SLC15A5: variants seen among roughly 807,000 people sequenced by gnomAD.
SLC15A5 encodes solute carrier family 15 member 5, also known as Peptide/histidine transporter ENSP00000340402.
A neutral mutation model predicts 56.1 loss-of-function variants in SLC15A5; 58 were observed. That is an observed-to-expected ratio of 1.03 (90% CI 0.84 to 1.29). The LOEUF is 1.29. SLC15A5 is among the 50% of genes most tolerant of loss of function. The pLI is 0.00. For missense variants in SLC15A5, 681 were observed against 672.1 expected, an observed-to-expected ratio of 1.01 and a Z score of -0.15; for synonymous variants, 264 against 250.5, an observed-to-expected ratio of 1.05 and a Z score of -0.51.
intron 2 of SLC15A5, among the ~76,000 whole-genome samples, chr12:16,258,457 G>A (rs1413086688): frequency 1.3e-5 from 2 of 151,714 alleles, no homozygotes; most frequent in Admixed American, 1.3e-4. Flanking sequence ...AGTCTGGTTT[G>A]CAAGTTCTGG....
chr12:16,245,856 T>A (rs1864455957), intron 3 of SLC15A5, among the ~76,000 whole-genome samples: 2 of 152,234 alleles, frequency 1.3e-5, no homozygotes, highest in Admixed American at 1.3e-4. Context: ...AATTCATTTA[T>A]ATGCCATAGA....
Position 16,277,598 on chromosome 12 carries a change from C to T in SLC15A5, c.88G>A (p.Asp30Asn), listed in dbSNP as rs770661729. The T allele has an allele frequency of 4.6e-6, 7 of 1,536,358 alleles. No individual in the cohort carries two copies. Among genetic ancestry groups the T allele is most frequent in the African/African-American group, 4.1e-5 (3 of 73,080 alleles). ...TTCACAGAGTGTGAGGAACACAAAT[C>T]GCCAATATGTCTTACAGTTTTCTCC... The part of the protein sequence containing the change: ...EKEKTVRHIG[D>N]LCSSHSVKKI... The change falls in exon 1 of 9, where the codon GAT becomes AAT. Residue 30 changes from aspartate (D) to asparagine (N), a missense_variant. Asp to Asn is a conservative substitution (Grantham distance 23, BLOSUM62 1). Coordinates refer to ENST00000344941, the MANE Select transcript of SLC15A5 (RefSeq NM_001170798.1).
At chr12:16,242,733 G>A (rs1203802052) in intron 4 of SLC15A5, among the ~76,000 whole-genome samples, 1 of 152,176 alleles carries the variant, frequency 6.6e-6, no homozygotes, top group African/African-American at 2.4e-5. Flanking sequence ...GCAAAGAAGG[G>A]TCCAACTTAG....
At chr12:16,209,726 C>T (rs1864060767) in intron 7 of SLC15A5, among the ~76,000 whole-genome samples, 1 of 152,156 alleles carries the variant, frequency 6.6e-6, no homozygotes, top group Admixed American at 6.5e-5. Flanking sequence ...TTCTCAAAAC[C>T]ATTGCTAAGA....
At chr12:16,190,746 CTG>C (rs1160635682) in intron 8 of SLC15A5, among the ~76,000 whole-genome samples, 7 of 152,090 alleles carry the variant, frequency 4.6e-5, no homozygotes, top group African/African-American at 1.7e-4. Flanking sequence ...CTAAAAATAA[CTG>C]TAACTGTAAC....
At chr12:16,190,612 C>T (rs944425425) in intron 8 of SLC15A5, among the ~76,000 whole-genome samples, 6 of 152,052 alleles carry the variant, frequency 3.9e-5, no homozygotes, top group Non-Finnish European at 7.4e-5. Context: ...AAATGAATAT[C>T]GGCTATAAGT....
At chr12:16,221,524 T>A (rs909513868) in intron 6 of SLC15A5, among the ~76,000 whole-genome samples, 1 of 152,190 alleles carries the variant, frequency 6.6e-6, no homozygotes, top group African/African-American at 2.4e-5. Flanking sequence ...TTTCTGGGGA[T>A]GTGGTCAAGG....
chr12:16,275,969 T>A (rs1317018608), intron 1 of SLC15A5, among the ~76,000 whole-genome samples: 1 of 151,966 alleles, frequency 6.6e-6, no homozygotes, highest in Non-Finnish European at 1.5e-5. Flanking sequence ...CTACCCAGCT[T>A]TATTTTTCCA....
At chr12:16,245,092 T>C (rs1445084719) in intron 3 of SLC15A5, among the ~76,000 whole-genome samples, 2 of 152,184 alleles carry the variant, frequency 1.3e-5, no homozygotes, top group East Asian at 3.9e-4. Context: ...GTTAAGGACT[T>C]CAGAATCTCT....
intron 5 of SLC15A5, among the ~76,000 whole-genome samples, chr12:16,227,628 G>A (rs183972404): frequency 1.1e-4 from 17 of 152,276 alleles, no homozygotes; most frequent in African/African-American, 1.9e-4. Context: ...ATGATGAGAC[G>A]TTCAAGTTAT....
In SLC15A5 at chr12:16,205,610, CATATATATACACAT is replaced by C. The variant is rs371766283; in HGVS notation, c.1484-11171_1484-11158del. Among the ~76,000 whole-genome samples, 684 of 105,656 alleles carry C rather than the reference CATATATATACACAT, an allele frequency of 6.5e-3. 19 individuals carry two copies. Among genetic ancestry groups the C allele is most frequent in the African/African-American group, 0.011 (333 of 30,032 alleles). 69.3% of individuals were successfully genotyped at this position (105,656 alleles called of 152,430 possible). A position where few individuals can be genotyped will look rare whatever the true frequency, so the allele number is the denominator to read the frequency against. On this transcript the variant is annotated intron_variant, in intron 7 of 8. Transcript: ENST00000344941. ...ATATATACATATACACACACACACA[CATATATATACACAT>C]ATATATATACACATATATACACATG... is the stretch of plus-strand genomic sequence containing the variant.
intron 6 of SLC15A5, 149 bp downstream of exon 6, chr12:16,224,265 A>G (rs1864216615): frequency 2.9e-6 from 2 of 684,934 alleles, no homozygotes; most frequent in Admixed American, 3.1e-5. Context: ...TGTTTGTAAA[A>G]AAGTAATAAA....
At chr12:16,273,642 G>C (rs867248207) in intron 1 of SLC15A5, among the ~76,000 whole-genome samples, 21 of 151,618 alleles carry the variant, frequency 1.4e-4, no homozygotes, top group African/African-American at 4.6e-4. Context: ...AAAGAAATAA[G>C]TTCAGTGAGA....
At chr12:16,221,393 A>G (rs1279303834) in intron 6 of SLC15A5, among the ~76,000 whole-genome samples, 1 of 152,204 alleles carries the variant, frequency 6.6e-6, no homozygotes, top group Non-Finnish European at 1.5e-5. Flanking sequence ...GACCTTTGAG[A>G]AAGCTCAATA....
chr12:16,273,309 A>G (rs558529237), intron 1 of SLC15A5, among the ~76,000 whole-genome samples: 5 of 151,636 alleles, frequency 3.3e-5, no homozygotes, highest in Non-Finnish European at 7.4e-5. Flanking sequence ...TCTCCTTGTA[A>G]TGTCTTTCTT....
intron 8 of SLC15A5, among the ~76,000 whole-genome samples, chr12:16,193,432 A>T (rs3847918): frequency 1.3e-5 from 2 of 151,718 alleles, no homozygotes; most frequent in African/African-American, 2.4e-5. Context: ...CTTTATTGAC[A>T]TACTGACTTT....
chr12:16,274,465 A>G (rs565186695), intron 1 of SLC15A5, among the ~76,000 whole-genome samples: 1 of 152,032 alleles, frequency 6.6e-6, no homozygotes, highest in Non-Finnish European at 1.5e-5. Flanking sequence ...TGTTTTCTCA[A>G]TTAGATTATA....
chr12:16,272,655 G>C lies in SLC15A5; in HGVS notation c.490C>G (p.Leu164Val), dbSNP rs1864772574. The C allele has an allele frequency of 6.5e-7, 1 of 1,536,960 alleles. No homozygotes were observed. Among genetic ancestry groups the C allele is most frequent in the Non-Finnish European group, 8.7e-7 (1 of 1,146,752 alleles). Residue 164 changes from leucine (L) to valine (V), a missense_variant, in exon 2 of 9, where the codon CTT (leucine) becomes GTT (valine). By Grantham distance (32) the Leu-to-Val change is conservative. Transcript: ENST00000344941. ...ATGGCTCTTACGCCTCCAATGCCAA[G>C]GCAAATGGTCAGCAGTGCTACATAA... ...LFYVALLTIC[L>V]GIGGVRAIVC...
At chr12:16,273,697 C>T (rs1671485) in intron 1 of SLC15A5, among the ~76,000 whole-genome samples, 21,861 of 150,906 alleles carry the variant, frequency 0.14, 1,742 homozygotes, top group Admixed American at 0.24. Context: ...GTTGTAATCT[C>T]CCTCTTCTTG....
Sources: allele counts gnomAD v4.1 joint callset (sites outside exome capture counted in the v4.1 genomes callset), GRCh38; gene constraint gnomAD v4.1.1; transcripts MANE v1.5; gene names NCBI Gene and HGNC (gene_info 2026-07-23, HGNC 2026-07-21).